The following FLYWCH1 variants were observed in gnomAD, a reference collection of about 807,000 sequenced individuals.
FLYWCH1 encodes FLYWCH-type zinc finger-containing protein 1.
A neutral mutation model predicts 66.4 loss-of-function variants in FLYWCH1; 75 were observed. That is an observed-to-expected ratio of 1.13 (90% confidence interval 0.94 to 1.37). The LOEUF is 1.37. FLYWCH1 is among the 40% of genes most tolerant of loss of function. The pLI, the probability that FLYWCH1 is intolerant of heterozygous loss-of-function variation, is 0.00. For missense variants in FLYWCH1, 1,334 were observed against 1,001.8 expected (o/e 1.33, Z -4.48); for synonymous variants, 595 against 429.9 (o/e 1.38, Z -4.75).
chr16:2,912,344 C>G (rs1218120549), intron 1 of FLYWCH1, among the ~76,000 whole-genome samples, 190 bp downstream of exon 1: 2 of 151,458 alleles, frequency 1.3e-5, no homozygotes, highest in South Asian at 4.2e-4. Flanking sequence ...CCCCACCCCC[C>G]CGTCCCCTGG....
chr16:2,945,346 C>T (rs1026807978), intron 9 of FLYWCH1, among the ~76,000 whole-genome samples: 2 of 151,750 alleles, frequency 1.3e-5, no homozygotes, highest in Non-Finnish European at 2.9e-5. Flanking sequence ...ATCAGCTGGG[C>T]GTGGTGGCGT....
In FLYWCH1 at chr16:2,931,042, C is replaced by T. The variant is rs538902350; in HGVS notation, c.796+162C>T. 8.5e-5 allele frequency among the ~76,000 whole-genome samples: 13 copies of T among 152,176 alleles called. No homozygotes were observed. In the South Asian group the frequency reaches 1.0e-3, roughly 12 times the overall value. On this transcript the variant is annotated intron_variant, in intron 4 of 9. Transcript: ENST00000253928. Reference sequence around the variant, plus strand: ...AAATGTGGCCGGGCACAGTGGCTCACGCCTATAATCCCAGCACTTTGGGAG... The same window carrying T: ...AAATGTGGCCGGGCACAGTGGCTCATGCCTATAATCCCAGCACTTTGGGAG...
chr16:2,936,927 G>A (rs1258149634), intron 6 of FLYWCH1, 194 bp from the exon 7 acceptor site: 14 of 742,404 alleles, frequency 1.9e-5, no homozygotes. Context: ...CCAGTCCCCA[G>A]CCTCAGGAGG....
rs1411860485 is a variant in FLYWCH1, at chr16:2,950,905, C to G, written c.*2178C>G. 1 of 152,280 alleles carries G rather than the reference C, an allele frequency of 6.6e-6. No homozygotes were observed. The highest frequency in any genetic ancestry group is 2.4e-5 in the African/African-American group (1 of 41,466). The allele number at this position is 152,280 out of a possible 1,614,324, so 9.4% of individuals were successfully genotyped here. ...GTGGCCACTCAGCCATGACAAGGGC[C>G]TGACAGCCACTAAGTGAGCTTCAGA... On this transcript the variant is annotated 3_prime_UTR_variant, in exon 10 of 10. Coordinates refer to ENST00000253928, the MANE Select transcript of FLYWCH1 (RefSeq NM_001308068.2).
chr16:2,941,779 C>A (rs540687080), intron 9 of FLYWCH1, among the ~76,000 whole-genome samples: 4 of 151,568 alleles, frequency 2.6e-5, no homozygotes, highest in South Asian at 4.2e-4. Flanking sequence ...TCCCAGCACA[C>A]TGGGAGACCG....
rs775357358 is a variant in FLYWCH1, at chr16:2,938,330, C to T, written c.1924C>T (p.Arg642Cys). ...RDQARLGCRS[R>C]AITQGHRIMV... is the part of the protein sequence containing the mutation. ...CCAGGCTCGGCTGGGCTGCCGCAGC[C>T]GCGCCATAACCCAGGGCCACCGCAT... is the stretch of plus-strand genomic sequence containing the variant. The change falls in exon 8 of 10, where the codon CGC (arginine) becomes TGC (cysteine). Residue 642 changes from arginine to cysteine, a missense_variant. By Grantham distance (180) the Arg-to-Cys change is radical. Coordinates refer to ENST00000253928, the MANE Select transcript of FLYWCH1 (RefSeq NM_001308068.2). The T allele has an allele frequency of 2.6e-5, 42 of 1,607,224 alleles. No individual in the cohort carries two copies. The highest frequency in any genetic ancestry group is 4.0e-5 in the African/African-American group (3 of 74,828).
intron 2 of FLYWCH1, 31 bp from the exon 3 acceptor site, chr16:2,929,582 A>C: frequency 1.4e-6 from 2 of 1,406,036 alleles, no homozygotes; most frequent in South Asian, 1.4e-5. Context: ...AAGGGCTTCC[A>C]CCACTGACGG....
intron 9 of FLYWCH1, 183 bp downstream of exon 9, chr16:2,940,275 C>G: frequency 1.9e-6 from 1 of 530,448 alleles, no homozygotes; most frequent in South Asian, 2.3e-5. Context: ...ATCTGAAGGC[C>G]CAAGTGAGGC....
At position 2,933,944 on chromosome 16, in the gene FLYWCH1, A is replaced by G; in HGVS notation, c.1478A>G (p.Glu493Gly). The change falls in exon 6 of 10, where the codon GAG becomes GGG. Residue 493 changes from glutamate (E) to glycine (G), a missense_variant. Coordinates refer to ENST00000253928, the MANE Select transcript of FLYWCH1 (RefSeq NM_001308068.2). Reference protein sequence around the residue: ...LGGLEALRQREKRPNTAQRGS... With the variant: ...LGGLEALRQRGKRPNTAQRGS... ...GGCCTGGAGGCCCTGAGGCAGCGGG[A>G]GAAACGCCCCAACACGGCGCAGCGG... 1 of 1,562,064 alleles carries G rather than the reference A, an allele frequency of 6.4e-7. No homozygotes were observed. Among genetic ancestry groups the G allele is most frequent in the Non-Finnish European group, 8.7e-7 (1 of 1,153,496 alleles).
Position 2,933,925 on chromosome 16 carries a change from G to C in FLYWCH1, c.1459G>C (p.Glu487Gln), listed in dbSNP as rs1339477399. The change falls in exon 6 of 10, where the codon GAG becomes CAG. Residue 487 changes from glutamate to glutamine, a missense_variant. Physicochemically the swap from Glu to Gln is conservative, Grantham distance 29 (BLOSUM62 2). Coordinates refer to ENST00000253928, the MANE Select transcript of FLYWCH1 (RefSeq NM_001308068.2). Reference sequence around the variant, plus strand: ...CCACCCGCCCGACCTGGGAGGCCTGGAGGCCCTGAGGCAGCGGGAGAAACG... The same window carrying C: ...CCACCCGCCCGACCTGGGAGGCCTGCAGGCCCTGAGGCAGCGGGAGAAACG... ...HCHPPDLGGL[E>Q]ALRQREKRPN... 6 of 1,569,286 alleles carry C rather than the reference G, an allele frequency of 3.8e-6. No individual in the cohort carries two copies. The highest frequency in any genetic ancestry group is 1.2e-5 in the South Asian group (1 of 85,926).
chr16:2,943,337 C>A (rs2071349557), intron 9 of FLYWCH1: 1 of 151,912 alleles, frequency 6.6e-6, no homozygotes, highest in Non-Finnish European at 1.5e-5. Context: ...CTGGTTTCCT[C>A]CGGCCCTCAC....
intron 9 of FLYWCH1, among the ~76,000 whole-genome samples, chr16:2,944,581 G>T (rs560109630): frequency 6.6e-6 from 1 of 152,070 alleles, no homozygotes; most frequent in Admixed American, 6.6e-5. Context: ...CCAGCACTTT[G>T]GTAGGCTGAG....
In FLYWCH1 at chr16:2,949,886, A is replaced by G. The variant is rs1005486493; in HGVS notation, c.*1159A>G. On this transcript the variant is annotated 3_prime_UTR_variant, in exon 10 of 10. Transcript: ENST00000253928. ...CCGCCGTGAAACCACACTCCGTCAC[A>G]TCTCCATGCCAGTGCCCAGGGGGAG... The G allele has an allele frequency of 2.0e-5, 3 of 152,120 alleles. No individual in the cohort carries two copies. The highest frequency in any genetic ancestry group is 4.4e-5 in the Non-Finnish European group (3 of 68,068). 9.4% of individuals were successfully genotyped at this position (152,120 alleles called of 1,614,324 possible). A position where few individuals can be genotyped will look rare whatever the true frequency, so the allele number is the denominator to read the frequency against.
At chr16:2,927,171 C>G (rs1236496576) in intron 2 of FLYWCH1, among the ~76,000 whole-genome samples, 3 of 152,130 alleles carry the variant, frequency 2.0e-5, no homozygotes, top group Non-Finnish European at 4.4e-5. Flanking sequence ...TACGTCAGCA[C>G]CACAGGGCGC....
intron 9 of FLYWCH1, among the ~76,000 whole-genome samples, chr16:2,945,821 T>C (rs184710126): frequency 0.027 from 4,165 of 151,740 alleles, 65 homozygotes; most frequent in African/African-American, 0.042. Context: ...CATGGTGAAA[T>C]CCCATCTCTA....
At chr16:2,926,634 T>C (rs1380280231) in intron 2 of FLYWCH1, among the ~76,000 whole-genome samples, 2 of 152,216 alleles carry the variant, frequency 1.3e-5, no homozygotes, top group African/African-American at 4.8e-5. Flanking sequence ...AGCCCTACCC[T>C]GACTTTGTGG....
chr16:2,932,357 T>C (rs2070795652), intron 4 of FLYWCH1, among the ~76,000 whole-genome samples: 1 of 149,996 alleles, frequency 6.7e-6, no homozygotes, highest in South Asian at 2.1e-4. Context: ...CCCTCCCTGA[T>C]GGTAGCTCTG....
At chr16:2,946,466 C>T (rs1049321246) in intron 9 of FLYWCH1, among the ~76,000 whole-genome samples, 7 of 151,598 alleles carry the variant, frequency 4.6e-5, no homozygotes, top group South Asian at 2.1e-4. Context: ...GGATTACAGG[C>T]GTGTGTCACC....
At chr16:2,925,286 T>C (rs1201106396) in intron 2 of FLYWCH1, among the ~76,000 whole-genome samples, 1 of 152,108 alleles carries the variant, frequency 6.6e-6, no homozygotes, top group Non-Finnish European at 1.5e-5. Context: ...GGACCTGGGC[T>C]GGGGGGACCC....
Sources: gnomAD v4.1 joint callset for allele counts (sites outside exome capture counted in the v4.1 genomes callset) on GRCh38, gnomAD v4.1.1 for gene constraint, MANE v1.5 for transcripts, NCBI Gene and HGNC (gene_info 2026-07-23, HGNC 2026-07-21) for gene names.